Variants in ABCC1 observed in about 807,000 individuals in gnomAD.
ABCC1 encodes the protein ATP binding cassette subfamily C member 1 (ABCC1 blood group).
Under a neutral mutation model 172.9 loss-of-function variants are expected in ABCC1, and 83 were observed. That is an observed-to-expected ratio of 0.48 (90% CI 0.40 to 0.58). The LOEUF (loss-of-function observed/expected upper bound fraction) is 0.58, where lower values mean the gene tolerates loss of function less well. ABCC1 is among the 20% of genes least tolerant of loss of function. The pLI, the probability that ABCC1 is intolerant of heterozygous loss-of-function variation, is 0.00. For missense variants in ABCC1, 1,817 were observed against 2,002.7 expected (o/e 0.91, Z 1.77); for synonymous variants, 937 against 825.2 (o/e 1.14, Z -2.32).
chr16:16,039,116 G>C (rs1224641867), intron 7 of ABCC1, among the ~76,000 whole-genome samples: 1 of 152,044 alleles, frequency 6.6e-6, no homozygotes, highest in East Asian at 1.9e-4. Flanking sequence ...GACGTTGGTT[G>C]TGAAACATGC....
In ABCC1 at chr16:15,955,292, A is replaced by T. The variant is rs116171723; in HGVS notation, c.48+5493A>T. On this transcript the variant is annotated intron_variant, in intron 1 of 30. Transcript: ENST00000399410. Reference sequence around the variant, plus strand: ...AATCGCTTGAGCCCAGTGGGGTTGGAGGTTGCAGTGAGCCGAGAGTTCGCC... The same window carrying T: ...AATCGCTTGAGCCCAGTGGGGTTGGTGGTTGCAGTGAGCCGAGAGTTCGCC... 5.3e-3 allele frequency among the ~76,000 whole-genome samples: 806 copies of T among 152,114 alleles called. 11 individuals are homozygous for T. Among genetic ancestry groups the T allele is most frequent in the African/African-American group, 0.018 (763 of 41,506 alleles).
rs1160953052 is a variant in ABCC1, at chr16:16,071,711, C to T, written c.1894C>T (p.Arg632Ter). The stretch of plus-strand genomic sequence containing the variant: ...GGAGCTGGAACCTGACAGCATCGAG[C>T]GACGGCCTGTCAAAGACGGTGTGTG... Reference protein sequence around the residue: ...HEELEPDSIERRPVKDGGGTN... With the variant: ...HEELEPDSIE Residue 632 changes from arginine to a stop codon, truncating the protein, a stop_gained, in exon 14 of 31, where the codon CGA (arginine) becomes TGA (stop). Transcript: ENST00000399410. LOFTEE classifies it high-confidence loss of function. 3.7e-6 allele frequency: 6 copies of T among 1,613,768 alleles called. No homozygotes were observed. The highest frequency in any genetic ancestry group is 5.1e-6 in the Non-Finnish European group (6 of 1,179,884).
At chr16:15,990,481 C>T (rs2046835064) in intron 1 of ABCC1, among the ~76,000 whole-genome samples, 2 of 152,120 alleles carry the variant, frequency 1.3e-5, no homozygotes, top group Admixed American at 1.3e-4. Flanking sequence ...CCCTGTTTCC[C>T]CCACCACCAG....
At chr16:16,103,626 AAAC>A (rs1362027702) in intron 20 of ABCC1, among the ~76,000 whole-genome samples, 36 of 152,246 alleles carry the variant, frequency 2.4e-4, no homozygotes, top group Non-Finnish European at 5.9e-5. Context: ...GAAAACAGTA[AAAC>A]AACAACAAAA....
chr16:16,108,288 T>C (rs1246517143), intron 21 of ABCC1, among the ~76,000 whole-genome samples: 8 of 147,752 alleles, frequency 5.4e-5, no homozygotes, highest in African/African-American at 2.0e-4. Context: ...TTTTTTTTTT[T>C]TTTTTTTTTG....
At chr16:16,048,932 G>A (rs749014985) in intron 10 of ABCC1, among the ~76,000 whole-genome samples, 8 of 151,782 alleles carry the variant, frequency 5.3e-5, no homozygotes, top group Non-Finnish European at 1.0e-4. Flanking sequence ...GCGGTGAGCC[G>A]AGATTGGGCC....
chr16:16,003,945 G>GT (rs1012573553), intron 1 of ABCC1, among the ~76,000 whole-genome samples: 5 of 46,932 alleles, frequency 1.1e-4, no homozygotes, highest in Non-Finnish European at 4.5e-4. Context: ...TGAATTGGTT[G>GT]GGGGGGGTGG....
At chr16:15,958,627 G>A (rs2046058320) in intron 1 of ABCC1, among the ~76,000 whole-genome samples, 1 of 152,152 alleles carries the variant, frequency 6.6e-6, no homozygotes, top group East Asian at 1.9e-4. Context: ...ACTCTAGCTC[G>A]TGAAAACTTG....
chr16:16,112,433 G>A (rs1408138772), intron 22 of ABCC1, among the ~76,000 whole-genome samples: 1 of 151,720 alleles, frequency 6.6e-6, no homozygotes, highest in Admixed American at 6.6e-5. Flanking sequence ...GTCCTCAAAT[G>A]CAGCAGCGTT....
intron 28 of ABCC1, 21 bp downstream of exon 28, chr16:16,134,529 A>G (rs1234668976): frequency 1.2e-6 from 2 of 1,611,526 alleles, no homozygotes; most frequent in Non-Finnish European, 1.7e-6. Context: ...GGTGTGGCCC[A>G]GGGGGTGAGC....
Position 15,976,325 on chromosome 16 carries a change from C to T in ABCC1, c.48+26526C>T, listed in dbSNP as rs188526203. Among the ~76,000 whole-genome samples, 369 of 152,278 alleles carry T rather than the reference C, an allele frequency of 2.4e-3. 1 individual carries two copies. The highest frequency in any genetic ancestry group is 3.8e-3 in the Non-Finnish European group (259 of 68,006). The stretch of plus-strand genomic sequence containing the variant: ...ATCGTTAAGGCTTCTTTGGCACTTC[C>T]TAAGTGCCAGGGACTGTTGTTAATG... On this transcript the variant is annotated intron_variant, in intron 1 of 30. Transcript: ENST00000399410.
intron 16 of ABCC1, among the ~76,000 whole-genome samples, chr16:16,083,002 CTG>C (rs1168283871): frequency 6.6e-6 from 1 of 152,218 alleles, no homozygotes; most frequent in Non-Finnish European, 1.5e-5. Context: ...TCCACCGTAA[CTG>C]TAATCAAGTA....
rs1309766240 is a variant in ABCC1, at chr16:16,131,953, C to T, written c.3966+18C>T. On this transcript the variant is annotated intron_variant, in intron 27 of 30. Coordinates refer to ENST00000399410, the MANE Select transcript of ABCC1 (RefSeq NM_004996.4). ...GAGAAAAGGTGGGTACACATCGCCC[C>T]ATTCCCTCACCCATTCCCAGTCGGG... 1 of 1,609,008 alleles carries T rather than the reference C, an allele frequency of 6.2e-7. No individual in the cohort carries two copies. Among genetic ancestry groups the T allele is most frequent in the African/African-American group, 1.3e-5 (1 of 74,806 alleles).
At chr16:16,122,596 G>A (rs969853411) in intron 24 of ABCC1, among the ~76,000 whole-genome samples, 5 of 151,634 alleles carry the variant, frequency 3.3e-5, no homozygotes, top group Admixed American at 1.3e-4. Flanking sequence ...TTGTCATCTT[G>A]TGGGCCAGAT....
chr16:16,104,051 G>C (rs987990583), intron 20 of ABCC1, among the ~76,000 whole-genome samples: 2 of 152,252 alleles, frequency 1.3e-5, no homozygotes, highest in Admixed American at 1.3e-4. Flanking sequence ...GTCTGGAGTC[G>C]TTCGTTCCTC....
intron 1 of ABCC1, among the ~76,000 whole-genome samples, chr16:15,955,340 A>G (rs932260602): frequency 1.3e-5 from 2 of 152,100 alleles, no homozygotes; most frequent in African/African-American, 2.4e-5. Context: ...CCTGGGTGAC[A>G]GTGAGACTCT....
Position 16,007,871 on chromosome 16 carries a change from A to C in ABCC1, c.104A>C (p.Asn35Thr). Residue 35 changes from asparagine (N) to threonine (T), a missense_variant, in exon 2 of 31, where the codon AAC becomes ACC. By Grantham distance (65) the Asn-to-Thr change is moderately conservative. Transcript: ENST00000399410. The part of the protein sequence containing the change: ...SNPDFTKCFQ[N>T]TVLVWVPCFY... ...CCCGACTTCACCAAGTGCTTTCAGA[A>C]CACGGTCCTCGTGTGGGTGCCTTGT... 1 of 1,613,602 alleles carries C rather than the reference A, an allele frequency of 6.2e-7. No individual in the cohort carries two copies. Among genetic ancestry groups the C allele is most frequent in the Non-Finnish European group, 8.5e-7 (1 of 1,179,848 alleles).
At chr16:16,009,234 C>A (rs993044111) in intron 2 of ABCC1, among the ~76,000 whole-genome samples, 4 of 152,198 alleles carry the variant, frequency 2.6e-5, no homozygotes, top group African/African-American at 4.8e-5. Context: ...GCTGGTATTA[C>A]AGGCATGAAT....
chr16:16,111,356 T>C lies in ABCC1; in HGVS notation c.2872-19T>C. ...GGTGCGTGCATGTGCTAAGCTGCCTTATCTCCTGTGATCTCCAGGTCAAGC... is the reference window on the plus strand; with the variant it reads ...GGTGCGTGCATGTGCTAAGCTGCCTCATCTCCTGTGATCTCCAGGTCAAGC... On this transcript the variant is annotated intron_variant, in intron 21 of 30. Coordinates refer to ENST00000399410, the MANE Select transcript of ABCC1 (RefSeq NM_004996.4). 6.2e-7 allele frequency: 1 copy of C among 1,612,320 alleles called. No individual in the cohort carries two copies. Among genetic ancestry groups the C allele is most frequent in the Non-Finnish European group, 8.5e-7 (1 of 1,178,442 alleles).
Sources: gnomAD v4.1 joint callset for allele counts (sites outside exome capture counted in the v4.1 genomes callset) on GRCh38, gnomAD v4.1.1 for gene constraint, MANE v1.5 for transcripts, NCBI Gene and HGNC (gene_info 2026-07-23, HGNC 2026-07-21) for gene names.